The following TENM3 variants were observed in gnomAD, a reference collection of about 807,000 sequenced individuals.
TENM3 encodes teneurin transmembrane protein 3.
In TENM3, 63 loss-of-function variants were observed where a neutral mutation model predicts 255.1. The observed-to-expected ratio is 0.25, with a 90% confidence interval of 0.20 to 0.30. TENM3 has a LOEUF of 0.30. TENM3 is among the 10% of genes least tolerant of loss of function. The probability of loss-of-function intolerance (pLI) is 1.00; values close to 1 mark genes in which losing one functional copy is unlikely to be tolerated. For synonymous variants in TENM3, 1,306 were observed against 1,322.3 expected (o/e 0.99, Z 0.27); for missense variants, 2,929 against 3,461.1 (o/e 0.85, Z 3.86).
At chr4:182,350,905 A>G (rs923394373) in intron 3 of TENM3, among the ~76,000 whole-genome samples, 6 of 151,882 alleles carry the variant, frequency 4.0e-5, no homozygotes, top group African/African-American at 1.5e-4. Context: ...GGATGGTCTC[A>G]ATCTCTTGAC....
In TENM3 at chr4:182,628,946, A is replaced by G. The variant is rs942955466; in HGVS notation, c.988+57A>G. On this transcript the variant is annotated intron_variant, in intron 5 of 27. Coordinates refer to ENST00000511685, the MANE Select transcript of TENM3 (RefSeq NM_001080477.4). The stretch of plus-strand genomic sequence containing the variant: ...GTAAATCAGGGTGTTACATTGTTTT[A>G]TTACTTGTATTTATTCATTTGGTCT... The G allele has an allele frequency of 4.0e-6, 4 of 1,011,806 alleles. No homozygotes were observed. The African/African-American group carries it at 4.9e-5, about 12-fold the overall frequency. 62.7% of individuals were successfully genotyped at this position (1,011,806 alleles called of 1,614,324 possible).
chr4:181,983,375 A>G, the TENM3 span, among the ~76,000 whole-genome samples: 1 of 152,156 alleles, frequency 6.6e-6, no homozygotes, highest in East Asian at 1.9e-4. Context: ...CTTTCTAGAT[A>G]GCTTTAAACT....
chr4:182,297,639 A>G (rs971212113), intron 1 of TENM3, among the ~76,000 whole-genome samples: 6 of 152,160 alleles, frequency 3.9e-5, no homozygotes, highest in African/African-American at 1.4e-4. Context: ...TTAACCCTAT[A>G]CTAAGAATAG....
chr4:181,461,277 G>GT, the TENM3 span, among the ~76,000 whole-genome samples: 28 of 151,770 alleles, frequency 1.8e-4, no homozygotes, highest in African/African-American at 5.1e-4. Flanking sequence ...ACACCTGTGT[G>GT]TTTTTTTCCT....
At chr4:182,117,814 G>A in the TENM3 span, among the ~76,000 whole-genome samples, 2 of 151,118 alleles carry the variant, frequency 1.3e-5, no homozygotes, top group Non-Finnish European at 2.9e-5. Context: ...TCAACTCTAA[G>A]TTATGCACAA....
chr4:182,184,527 G>C lies in TENM3; in HGVS notation c.-76+39773G>C, dbSNP rs1198865815. Among the ~76,000 whole-genome samples the C allele has an allele frequency of 2.1e-5, 3 of 144,152 alleles. No individual in the cohort carries two copies. In the East Asian group the frequency reaches 6.1e-4, roughly 29 times the overall value. The allele number at this position is 144,152 out of a possible 152,430, so 94.6% of individuals were successfully genotyped here. A position where few individuals can be genotyped will look rare whatever the true frequency, so the allele number is the denominator to read the frequency against. ...TTTTTTTTTTTTGAGAAAAGGAGTG[G>C]ATTTCTTATTGCTTTAATGTGAATT... is the stretch of plus-strand genomic sequence containing the variant. On this transcript the variant is annotated intron_variant, in intron 1 of 2. Transcript: ENST00000512480.
the TENM3 span, among the ~76,000 whole-genome samples, chr4:181,580,370 C>T: frequency 6.6e-6 from 1 of 152,156 alleles, no homozygotes; most frequent in Non-Finnish European, 1.5e-5. Context: ...TGGGCATATG[C>T]AGATCTTCTC....
chr4:181,786,579 A>G, the TENM3 span, among the ~76,000 whole-genome samples: 5 of 151,998 alleles, frequency 3.3e-5, no homozygotes, highest in East Asian at 9.6e-4. Flanking sequence ...CCTCAGAAGA[A>G]CAGAGGCAAA....
At chr4:181,676,980 C>T in the TENM3 span, among the ~76,000 whole-genome samples, 2 of 134,770 alleles carry the variant, frequency 1.5e-5, no homozygotes, top group Non-Finnish European at 3.1e-5. Context: ...CCTATGCTCC[C>T]GATTTTATCT....
the TENM3 span, among the ~76,000 whole-genome samples, chr4:182,104,503 C>CTT: frequency 2.9e-4 from 19 of 66,134 alleles, 1 homozygote; most frequent in East Asian, 1.3e-3. Context: ...ACTGTTGACT[C>CTT]TTTTTTTTTT....
intron 19 of TENM3, among the ~76,000 whole-genome samples, 188 bp from the exon 20 acceptor site, chr4:182,751,610 CAG>C (rs1273233749): frequency 6.6e-6 from 1 of 152,316 alleles, no homozygotes; most frequent in East Asian, 1.9e-4. Context: ...ACAGTAATAT[CAG>C]AGAAATGCTA....
intron 1 of TENM3, among the ~76,000 whole-genome samples, chr4:182,162,622 G>A (rs75595446): frequency 0.018 from 2,779 of 152,238 alleles, 79 homozygotes; most frequent in African/African-American, 0.063. Context: ...ATAGACAATA[G>A]AAATTTATTT....
intron 1 of TENM3, among the ~76,000 whole-genome samples, chr4:182,146,464 T>C (rs2149559562): frequency 6.6e-6 from 1 of 152,304 alleles, no homozygotes; most frequent in African/African-American, 2.4e-5. Flanking sequence ...ATGAGTTTAG[T>C]TATTCTATTG....
At chr4:182,636,257 A>G (rs1561037991) in intron 5 of TENM3, among the ~76,000 whole-genome samples, 2 of 152,182 alleles carry the variant, frequency 1.3e-5, no homozygotes, top group East Asian at 3.9e-4. Context: ...ATTTAGAATC[A>G]GTTTTTCAAT....
At chr4:182,095,825 T>C in the TENM3 span, among the ~76,000 whole-genome samples, 3 of 152,128 alleles carry the variant, frequency 2.0e-5, no homozygotes, top group Non-Finnish European at 2.9e-5. Flanking sequence ...AAATTTCACA[T>C]GTATCCTATA....
the TENM3 span, among the ~76,000 whole-genome samples, chr4:181,935,717 T>C: frequency 3.9e-4 from 59 of 152,136 alleles, no homozygotes; most frequent in African/African-American, 1.3e-3. Flanking sequence ...CTCCCAGTGG[T>C]CTGCAAAACT....
At chr4:182,053,942 G>A in the TENM3 span, among the ~76,000 whole-genome samples, 1 of 152,104 alleles carries the variant, frequency 6.6e-6, no homozygotes, top group African/African-American at 2.4e-5. Context: ...ACTTGATGCA[G>A]TTAAAGCAAA....
chr4:182,585,593 C>T (rs971297177), intron 3 of TENM3, among the ~76,000 whole-genome samples: 1 of 152,172 alleles, frequency 6.6e-6, no homozygotes, highest in African/African-American at 2.4e-5. Context: ...AGAAACCAAC[C>T]GACCCTGCCA....
intron 3 of TENM3, among the ~76,000 whole-genome samples, chr4:182,488,631 A>G (rs148829465): frequency 6.6e-6 from 1 of 152,320 alleles, no homozygotes; most frequent in African/African-American, 2.4e-5. Context: ...AGGGGAAATA[A>G]GAAGCTGGTA....
Sources: allele counts gnomAD v4.1 joint callset (sites outside exome capture counted in the v4.1 genomes callset), GRCh38; gene constraint gnomAD v4.1.1; transcripts MANE v1.5; gene names NCBI Gene and HGNC (gene_info 2026-07-23, HGNC 2026-07-21).